MEGF10: variants seen among roughly 807,000 people sequenced by gnomAD.
MEGF10 encodes multiple EGF like domains 10, also known as multiple epidermal growth factor-like domains protein 10.
A neutral mutation model predicts 147.5 loss-of-function variants in MEGF10; 86 were observed. The observed-to-expected ratio is 0.58, with a 90% CI of 0.49 to 0.70. The LOEUF (loss-of-function observed/expected upper bound fraction) is 0.70, where lower values mean the gene tolerates loss of function less well. Ranked by LOEUF, MEGF10 falls within the 30% of genes least tolerant of loss-of-function variation. The pLI is 0.00. For synonymous variants in MEGF10, 478 were observed against 525.5 expected, an observed-to-expected ratio of 0.91 and a Z score of 1.24; for missense variants, 1,329 against 1,487.3, an observed-to-expected ratio of 0.89 and a Z score of 1.75.
intron 1 of MEGF10, among the ~76,000 whole-genome samples, chr5:127,299,466 A>G (rs1394004530): frequency 6.6e-6 from 1 of 152,202 alleles, no homozygotes; most frequent in Admixed American, 6.5e-5. Flanking sequence ...ACTGGATTCT[A>G]GCCCTGGAGG....
intron 1 of MEGF10, among the ~76,000 whole-genome samples, chr5:127,320,202 G>C (rs1255179472): frequency 1.3e-5 from 2 of 152,150 alleles, no homozygotes; most frequent in Non-Finnish European, 2.9e-5. Context: ...AGTAACCTGT[G>C]AGTGATCAGT....
At chr5:127,233,432 G>T in the MEGF10 span, among the ~76,000 whole-genome samples, 39 of 152,284 alleles carry the variant, frequency 2.6e-4, no homozygotes, top group Admixed American at 1.1e-3. Context: ...ACACAAGCAG[G>T]TGTAGTAGGT....
intron 4 of MEGF10, among the ~76,000 whole-genome samples, chr5:127,344,916 A>G (rs1240333805): frequency 1.3e-5 from 2 of 152,160 alleles, no homozygotes; most frequent in African/African-American, 2.4e-5. Flanking sequence ...CAGTTTCTAA[A>G]CTTTTGGGAA....
At chr5:127,416,659 A>G (rs1764790855) in intron 9 of MEGF10, among the ~76,000 whole-genome samples, 1 of 152,198 alleles carries the variant, frequency 6.6e-6, no homozygotes, top group Admixed American at 6.5e-5. Context: ...TGTTCAACCC[A>G]CAGGAATTTT....
In MEGF10 at chr5:127,402,610, A is replaced by G; in HGVS notation, c.845A>G (p.Gln282Arg). Reference protein sequence around the residue: ...RFGKNCSQECQCHNGGTCDAA... With the variant: ...RFGKNCSQECRCHNGGTCDAA... ...GGAAAGAACTGTTCCCAAGAATGCC[A>G]GTGCCATAATGGAGGGACGTGTGAT... The change falls in exon 8 of 25, where the codon CAG becomes CGG. Residue 282 changes from glutamine (Q) to arginine (R), a missense_variant. Gln to Arg is a conservative substitution (Grantham distance 43, BLOSUM62 1). Coordinates refer to ENST00000503335, the MANE Select transcript of MEGF10 (RefSeq NM_001256545.2). 6.2e-7 allele frequency: 1 copy of G among 1,614,150 alleles called. No individual in the cohort carries two copies. The highest frequency in any genetic ancestry group is 8.5e-7 in the Non-Finnish European group (1 of 1,180,002).
chr5:127,351,368 C>T (rs1271070521), intron 4 of MEGF10, among the ~76,000 whole-genome samples: 1 of 151,924 alleles, frequency 6.6e-6, no homozygotes, highest in Non-Finnish European at 1.5e-5. Context: ...TTGTAAGCTG[C>T]TTTGTTCATT....
At chr5:127,345,805 T>G (rs553515119) in intron 4 of MEGF10, among the ~76,000 whole-genome samples, 1 of 152,188 alleles carries the variant, frequency 6.6e-6, no homozygotes, top group Non-Finnish European at 1.5e-5. Context: ...AACCGAGTAA[T>G]GTACACTGTA....
intron 16 of MEGF10, among the ~76,000 whole-genome samples, chr5:127,437,656 G>A (rs889374942): frequency 2.0e-5 from 3 of 152,172 alleles, no homozygotes; most frequent in Admixed American, 6.5e-5. Flanking sequence ...CTGACTTTCT[G>A]ATGTCTCTTC....
rs1764932467 is a variant in MEGF10, at chr5:127,420,050, A to T, written c.1433A>T (p.His478Leu). 1 of 1,614,074 alleles carries T rather than the reference A, an allele frequency of 6.2e-7. No individual in the cohort carries two copies. The highest frequency in any genetic ancestry group is 1.1e-5 in the South Asian group (1 of 91,060). Reference protein sequence around the residue: ...DGSCTCKAGWHGVDCSIRCPS... With the variant: ...DGSCTCKAGWLGVDCSIRCPS... ...TGGCGTTCTTGTCGCACAGGCTGGCACGGGGTGGACTGCTCCATCAGATGT... is the reference window on the plus strand; with the variant it reads ...TGGCGTTCTTGTCGCACAGGCTGGCTCGGGGTGGACTGCTCCATCAGATGT... The change falls in exon 12 of 25, where the codon CAC becomes CTC. Residue 478 changes from histidine to leucine, a missense_variant. This residue lies in a region of MEGF10 where 980 missense variants were observed against 1,085.9 expected (regional missense o/e 0.90). Transcript: ENST00000503335.
In MEGF10 at chr5:127,294,308, G is replaced by T. The variant is rs1290079923; in HGVS notation, c.-19+3252G>T. ...GTGAGTTCATCATTCCTTATTGTAAGCTCTTATACAAGTGGCTGGCCCATA... is the reference window on the plus strand; with the variant it reads ...GTGAGTTCATCATTCCTTATTGTAATCTCTTATACAAGTGGCTGGCCCATA... On this transcript the variant is annotated intron_variant, in intron 1 of 24. Transcript: ENST00000503335. Among the ~76,000 whole-genome samples the T allele has an allele frequency of 5.3e-5, 8 of 152,156 alleles. No individual in the cohort carries two copies. The South Asian group carries it at 8.3e-4, about 16-fold the overall frequency.
At chr5:127,443,955 G>C (rs1054304974) in intron 19 of MEGF10, among the ~76,000 whole-genome samples, 6 of 152,308 alleles carry the variant, frequency 3.9e-5, no homozygotes, top group Non-Finnish European at 8.8e-5. Flanking sequence ...TAAATACCTA[G>C]GAGTAGAATA....
At chr5:127,275,061 T>C in the MEGF10 span, among the ~76,000 whole-genome samples, 300 of 152,316 alleles carry the variant, frequency 2.0e-3, 1 homozygote, top group African/African-American at 7.0e-3. Context: ...AGAATGAAAG[T>C]CTGTTGAGGC....
the MEGF10 span, among the ~76,000 whole-genome samples, chr5:127,236,987 A>T: frequency 6.6e-6 from 1 of 152,230 alleles, no homozygotes; most frequent in Non-Finnish European, 1.5e-5. Context: ...AGAAGGAAAT[A>T]AGAGAGAGTA....
chr5:127,402,341 G>A (rs972237909), intron 7 of MEGF10, among the ~76,000 whole-genome samples: 1 of 152,118 alleles, frequency 6.6e-6, no homozygotes, highest in Non-Finnish European at 1.5e-5. Context: ...TGAGATTTGG[G>A]CTTACTGAGT....
chr5:127,281,695 G>A, the MEGF10 span, among the ~76,000 whole-genome samples: 1 of 152,296 alleles, frequency 6.6e-6, no homozygotes, highest in African/African-American at 2.4e-5. Context: ...TGGTGCACAC[G>A]GGATGGCCAA....
At chr5:127,373,611 A>G (rs1353567196) in intron 5 of MEGF10, among the ~76,000 whole-genome samples, 2 of 152,170 alleles carry the variant, frequency 1.3e-5, no homozygotes, top group African/African-American at 4.8e-5. Flanking sequence ...GTAGAGTGGT[A>G]TTTATAAACC....
intron 4 of MEGF10, among the ~76,000 whole-genome samples, chr5:127,341,381 A>T (rs1478023480): frequency 6.6e-6 from 1 of 152,128 alleles, no homozygotes; most frequent in African/African-American, 2.4e-5. Flanking sequence ...TGAGATGCTG[A>T]TGTTGAGTAG....
intron 19 of MEGF10, among the ~76,000 whole-genome samples, chr5:127,443,899 A>T (rs910633339): frequency 2.0e-5 from 3 of 152,198 alleles, no homozygotes; most frequent in Non-Finnish European, 2.9e-5. Context: ...TATGAACAAG[A>T]GTGAATCCAG....
chr5:127,339,926 CT>C (rs1052592863), intron 3 of MEGF10, among the ~76,000 whole-genome samples: 1 of 152,138 alleles, frequency 6.6e-6, no homozygotes, highest in African/African-American at 2.4e-5. Context: ...TAATCATTAC[CT>C]GCCATTATAT....
Sources: allele counts gnomAD v4.1 joint callset (sites outside exome capture counted in the v4.1 genomes callset), GRCh38; gene constraint gnomAD v4.1.1; regional missense constraint gnomAD v4.1.1; transcripts MANE v1.5; gene names NCBI Gene and HGNC (gene_info 2026-07-23, HGNC 2026-07-21).